UNC13C: variants seen among roughly 807,000 people sequenced by gnomAD.
The protein encoded by UNC13C is unc-13 homolog C.
In UNC13C, 174 loss-of-function variants were observed where a neutral mutation model predicts 245.4. The ratio of observed to expected loss-of-function variants is 0.71; its 90% confidence interval spans 0.63 to 0.80. The LOEUF (loss-of-function observed/expected upper bound fraction) is 0.80, where lower values mean the gene tolerates loss of function less well. Among genes scored for constraint, UNC13C ranks in the 30% least tolerant of loss-of-function variants. The pLI is 0.00. For synonymous variants in UNC13C, 992 were observed against 895.1 expected (o/e 1.11, Z -1.93); for missense variants, 2,829 against 2,602.9 (o/e 1.09, Z -1.89).
chr15:54,183,067 G>C (rs990345983), intron 4 of UNC13C, among the ~76,000 whole-genome samples: 4 of 151,522 alleles, frequency 2.6e-5, no homozygotes, highest in Non-Finnish European at 4.4e-5. Context: ...GCTAGTAGAG[G>C]AGAAAAATAA....
At chr15:54,028,524 G>C (rs781138337) in intron 2 of UNC13C, among the ~76,000 whole-genome samples, 4 of 152,092 alleles carry the variant, frequency 2.6e-5, no homozygotes, top group Non-Finnish European at 5.9e-5. Flanking sequence ...CGAGCCCATA[G>C]CGCTGAAAAT....
rs185659849 is a variant in UNC13C, at chr15:54,046,148, G to C, written c.2983+30262G>C. On this transcript the variant is annotated intron_variant, in intron 2 of 32. Coordinates refer to ENST00000260323, the MANE Select transcript of UNC13C (RefSeq NM_001080534.3). ...TTGCTACATAATACCCCTTTCTGTG[G>C]ATGTAACAAAGTTTAATCCTGCCAA... Among the ~76,000 whole-genome samples, 18 of 152,120 alleles carry C rather than the reference G, an allele frequency of 1.2e-4. No individual in the cohort carries two copies. In the East Asian group the frequency reaches 3.5e-3, roughly 29 times the overall value.
At chr15:53,883,539 T>A in the UNC13C span, among the ~76,000 whole-genome samples, 1 of 152,160 alleles carries the variant, frequency 6.6e-6, no homozygotes, top group African/African-American at 2.4e-5. Context: ...CTATCACACA[T>A]CCTTTCATAG....
intron 22 of UNC13C, among the ~76,000 whole-genome samples, chr15:54,505,929 TC>T (rs1388231738): frequency 6.6e-6 from 1 of 152,106 alleles, no homozygotes; most frequent in Non-Finnish European, 1.5e-5. Context: ...ACTAAGGTTT[TC>T]CTATGAAGTA....
At chr15:54,054,938 A>G (rs1897442041) in intron 2 of UNC13C, among the ~76,000 whole-genome samples, 3 of 152,086 alleles carry the variant, frequency 2.0e-5, no homozygotes, top group African/African-American at 7.2e-5. Flanking sequence ...GAGTTGTATC[A>G]TCTGCATTGT....
At chr15:54,403,526 A>G (rs2040230373) in intron 18 of UNC13C, among the ~76,000 whole-genome samples, 1 of 151,954 alleles carries the variant, frequency 6.6e-6, no homozygotes, top group Non-Finnish European at 1.5e-5. Context: ...GTTTGAGATC[A>G]GTACATAGTG....
chr15:54,553,388 T>A (rs1596560063), intron 28 of UNC13C, among the ~76,000 whole-genome samples: 14 of 129,128 alleles, frequency 1.1e-4, no homozygotes, highest in South Asian at 2.3e-4. Flanking sequence ...TATTATGTAT[T>A]AGTATATTAT....
chr15:54,250,350 G>A lies in UNC13C; in HGVS notation c.3354G>A (p.Leu1118=). ...ACTGTTATGAGTGTGAAGGGCTCCT[G>A]TGGGGCATTGCAAGGCAAGGCATGA... ...PTYCYECEGL[L]WGIARQGMKC... The change falls in exon 8 of 33, where the codon CTG becomes CTA. Residue 1118 remains leucine, a synonymous_variant. Transcript: ENST00000260323. 1.2e-6 allele frequency: 2 copies of A among 1,613,968 alleles called. No individual in the cohort carries two copies. Among genetic ancestry groups the A allele is most frequent in the Non-Finnish European group, 1.7e-6 (2 of 1,179,866 alleles).
Position 54,623,792 on chromosome 15 carries a change from T to C in UNC13C, c.6200-3T>C. The C allele has an allele frequency of 6.2e-7, 1 of 1,607,714 alleles. No homozygotes were observed. The highest frequency in any genetic ancestry group is 8.5e-7 in the Non-Finnish European group (1 of 1,177,292). The stretch of plus-strand genomic sequence containing the variant: ...CTAAAATGTGATATTTCCTTTTTTT[T>C]AGTGATTGCTATTAATGACCTAAAC... On this transcript the variant is annotated splice_polypyrimidine_tract_variant and splice_region_variant and intron_variant, in intron 31 of 32. Transcript: ENST00000260323.
intron 4 of UNC13C, among the ~76,000 whole-genome samples, chr15:54,155,769 G>GTGCA (rs1265724239): frequency 1.3e-5 from 2 of 152,164 alleles, no homozygotes; most frequent in African/African-American, 2.4e-5. Flanking sequence ...GGAGTTCTCA[G>GTGCA]TGCAGACTTT....
intron 4 of UNC13C, among the ~76,000 whole-genome samples, chr15:54,178,756 C>A (rs1310697617): frequency 6.6e-6 from 1 of 152,114 alleles, no homozygotes; most frequent in Non-Finnish European, 1.5e-5. Flanking sequence ...ATTCTGTTTG[C>A]CCCCTCACCT....
chr15:54,603,541 G>A (rs1446531494), intron 30 of UNC13C, among the ~76,000 whole-genome samples: 1 of 151,078 alleles, frequency 6.6e-6, no homozygotes, highest in African/African-American at 2.4e-5. Context: ...TCCCACCCCT[G>A]AAACCATTCA....
At chr15:54,345,363 C>G (rs1414688956) in intron 17 of UNC13C, among the ~76,000 whole-genome samples, 1 of 152,202 alleles carries the variant, frequency 6.6e-6, no homozygotes, top group African/African-American at 2.4e-5. Context: ...GTGGTAGACT[C>G]TCAGTGCTTG....
chr15:54,623,709 G>A, intron 31 of UNC13C, 86 bp from the exon 32 acceptor site: 1 of 1,279,774 alleles, frequency 7.8e-7, no homozygotes, highest in Non-Finnish European at 1.1e-6. Context: ...CTATTATTAA[G>A]TTTTGGCTTC....
chr15:54,509,623 C>T (rs1894646317), intron 23 of UNC13C, among the ~76,000 whole-genome samples: 1 of 152,116 alleles, frequency 6.6e-6, no homozygotes, highest in South Asian at 2.1e-4. Context: ...TTTGTTTTAT[C>T]TTACTAAACT....
intron 7 of UNC13C, 140 bp from the exon 8 acceptor site, chr15:54,250,085 A>G: frequency 2.6e-6 from 2 of 761,688 alleles, no homozygotes; most frequent in Non-Finnish European, 4.4e-6. Context: ...GCTTACTGTC[A>G]TCATGACTTG....
In UNC13C at chr15:54,263,229, C is replaced by T. The variant is rs566362947; in HGVS notation, c.3449-939C>T. On this transcript the variant is annotated intron_variant, in intron 8 of 32. Transcript: ENST00000260323. ...CACTGTATTTCAGTTGCTTCTGTAC[C>T]AAAAAAAGTTTGATTTTAGCAGTGG... Among the ~76,000 whole-genome samples the T allele has an allele frequency of 2.0e-5, 3 of 151,974 alleles. No individual in the cohort carries two copies. The South Asian group carries it at 6.2e-4, about 31-fold the overall frequency.
At chr15:54,277,615 G>A (rs2036866259) in intron 10 of UNC13C, among the ~76,000 whole-genome samples, 1 of 152,116 alleles carries the variant, frequency 6.6e-6, no homozygotes, top group Non-Finnish European at 1.5e-5. Context: ...CATCAAAAAG[G>A]AGACATTAAC....
rs1169930606 is a variant in UNC13C at position 54,417,438 on chromosome 15, A to C, written c.4933+2371A>C. On this transcript the variant is annotated intron_variant, in intron 19 of 32. Coordinates refer to ENST00000260323, the MANE Select transcript of UNC13C (RefSeq NM_001080534.3). The stretch of plus-strand genomic sequence containing the variant: ...AACATTTATTGCCTTTTTGTATCAT[A>C]ATGTATAAGCTAAATGTTATAGAAA... Among the ~76,000 whole-genome samples the C allele has an allele frequency of 5.9e-5, 9 of 152,280 alleles. No homozygotes were observed. The East Asian group carries it at 1.7e-3, about 29-fold the overall frequency.
Sources: allele counts gnomAD v4.1 joint callset (sites outside exome capture counted in the v4.1 genomes callset), GRCh38; gene constraint gnomAD v4.1.1; transcripts MANE v1.5; gene names NCBI Gene and HGNC (gene_info 2026-07-23, HGNC 2026-07-21).